CFAP58: variants seen among roughly 807,000 people sequenced by gnomAD.
The protein encoded by CFAP58 is cilia and flagella associated protein 58.
CFAP58 carries 88 observed loss-of-function variants against 119.5 expected under a neutral mutation model. That is an observed-to-expected ratio of 0.74 (90% CI 0.62 to 0.88). The LOEUF is 0.88. Among genes scored for constraint, CFAP58 ranks in the 40% least tolerant of loss-of-function variants. CFAP58 has a pLI of 0.00. For missense variants in CFAP58, 990 were observed against 1,021.2 expected (o/e 0.97, Z 0.42); for synonymous variants, 365 against 366.3 (o/e 1.00, Z 0.04).
At chr10:104,345,952 A>G in the CFAP58 span, among the ~76,000 whole-genome samples, 1 of 152,042 alleles carries the variant, frequency 6.6e-6, no homozygotes, top group Non-Finnish European at 1.5e-5. Context: ...TTGTATTGCT[A>G]TAAAGGAATA....
At chr10:104,363,841 A>T (rs2014704513) in intron 3 of CFAP58, among the ~76,000 whole-genome samples, 1 of 152,240 alleles carries the variant, frequency 6.6e-6, no homozygotes, top group Non-Finnish European at 1.5e-5. Context: ...AAGAGTCTGC[A>T]GTGCAAGTTC....
At chr10:104,433,399 A>G (rs79707082) in intron 15 of CFAP58, among the ~76,000 whole-genome samples, 4,812 of 152,202 alleles carry the variant, frequency 0.032, 191 homozygotes, top group African/African-American at 0.09. Context: ...AATTAGAAAG[A>G]CCTCCCAAGA....
intron 6 of CFAP58, among the ~76,000 whole-genome samples, chr10:104,369,804 G>T (rs1011200125): frequency 4.4e-4 from 67 of 152,318 alleles, no homozygotes; most frequent in African/African-American, 1.6e-3. Flanking sequence ...TATGAGCTGA[G>T]ATAATTGCTA....
chr10:104,439,141 A>G (rs2012992549), intron 15 of CFAP58, among the ~76,000 whole-genome samples: 1 of 152,162 alleles, frequency 6.6e-6, no homozygotes, highest in Admixed American at 6.5e-5. Flanking sequence ...CTTACCTTGG[A>G]TGATGGTTGT....
chr10:104,338,888 A>G, the CFAP58 span, among the ~76,000 whole-genome samples: 1 of 150,484 alleles, frequency 6.6e-6, no homozygotes, highest in Non-Finnish European at 1.5e-5. Context: ...GCTTGAAAGG[A>G]TTAAAATAGC....
chr10:104,408,212 G>T (rs546561580), intron 15 of CFAP58, among the ~76,000 whole-genome samples: 26 of 152,296 alleles, frequency 1.7e-4, no homozygotes, highest in Admixed American at 4.6e-4. Flanking sequence ...TGTGGTTGAG[G>T]GAGTAGACTT....
chr10:104,374,178 G>A, intron 7 of CFAP58, among the ~76,000 whole-genome samples: 1 of 152,058 alleles, frequency 6.6e-6, no homozygotes, highest in East Asian at 1.9e-4. Context: ...CCACAAAAGA[G>A]GTCGGGAGTG....
intron 11 of CFAP58, 25 bp from the exon 12 acceptor site, chr10:104,399,335 G>C: frequency 6.2e-7 from 1 of 1,611,492 alleles, no homozygotes; most frequent in Non-Finnish European, 8.5e-7. Context: ...ATTGAAATTT[G>C]CCTGTATCTT....
At chr10:104,357,934 C>T (rs1307806608) in intron 1 of CFAP58, among the ~76,000 whole-genome samples, 13 of 114,644 alleles carry the variant, frequency 1.1e-4, no homozygotes, top group African/African-American at 5.2e-4. Context: ...CACATATACA[C>T]ACATATATGT....
intron 15 of CFAP58, 25 bp downstream of exon 15, chr10:104,406,818 A>T (rs1325620900): frequency 3.2e-6 from 5 of 1,554,406 alleles, no homozygotes. Flanking sequence ...TTCTGTACTC[A>T]TTGTACAAGT....
intron 15 of CFAP58, among the ~76,000 whole-genome samples, chr10:104,432,467 AATG>A (rs1448976730): frequency 6.6e-6 from 1 of 152,320 alleles, no homozygotes; most frequent in East Asian, 1.9e-4. Flanking sequence ...ACAAGAAAAG[AATG>A]ATGATATTCA....
At chr10:104,452,004 G>A (rs2013203368) in intron 17 of CFAP58, among the ~76,000 whole-genome samples, 1 of 151,914 alleles carries the variant, frequency 6.6e-6, no homozygotes, top group African/African-American at 2.4e-5. Context: ...CTCCCAAAGT[G>A]CTGGGATTAC....
the CFAP58 span, among the ~76,000 whole-genome samples, chr10:104,342,617 G>A: frequency 6.8e-6 from 1 of 147,742 alleles, no homozygotes; most frequent in Admixed American, 6.9e-5. Context: ...CAGATCACAT[G>A]AGTTCAGTTT....
At chr10:104,350,803 G>T (rs1332884298), upstream of CFAP58, among the ~76,000 whole-genome samples, 2 of 152,198 alleles carry the variant, frequency 1.3e-5, no homozygotes, top group Non-Finnish European at 2.9e-5. Context: ...TCACCTTGGT[G>T]CTTCCTGTGG....
intron 9 of CFAP58, among the ~76,000 whole-genome samples, chr10:104,383,675 C>T (rs1464732804): frequency 6.6e-6 from 1 of 152,014 alleles, no homozygotes; most frequent in African/African-American, 2.4e-5. Flanking sequence ...TGCTACGCAA[C>T]TTGTGCATCT....
intron 2 of CFAP58, 31 bp from the exon 3 acceptor site, chr10:104,361,992 C>G: frequency 6.2e-7 from 1 of 1,601,212 alleles, no homozygotes; most frequent in Non-Finnish European, 8.5e-7. Context: ...CCAGTTTGGT[C>G]TTTCTCACTG....
chr10:104,454,417 T>C lies in CFAP58; in HGVS notation c.2511-5T>C, dbSNP rs2013245560. ...GGAAGCTAACTTTCACCTCCTCTCT[T>C]ACAGAAACAAGGACACAGCACCCAT... On this transcript the variant is annotated splice_region_variant and splice_polypyrimidine_tract_variant and intron_variant, in intron 17 of 17. Coordinates refer to ENST00000369704, the MANE Select transcript of CFAP58 (RefSeq NM_001008723.2). 6.2e-7 allele frequency: 1 copy of C among 1,610,314 alleles called. No individual in the cohort carries two copies. The highest frequency in any genetic ancestry group is 8.5e-7 in the Non-Finnish European group (1 of 1,176,776).
At chr10:104,357,950 TATATACACATATATGTACAC>T (rs768322617) in intron 1 of CFAP58, among the ~76,000 whole-genome samples, 4,999 of 123,558 alleles carry the variant, frequency 0.04, 247 homozygotes, top group Non-Finnish European at 0.049. Flanking sequence ...TATGTACACA[TATATACACATATATGTACAC>T]ATATGTACAT....
At chr10:104,362,715 G>A (rs550574751) in intron 3 of CFAP58, among the ~76,000 whole-genome samples, 33 of 152,176 alleles carry the variant, frequency 2.2e-4, no homozygotes, top group Middle Eastern at 3.2e-3. Context: ...TGGCAGTAGC[G>A]TCCTAACTGG....
Sources: gnomAD v4.1 joint callset for allele counts (sites outside exome capture counted in the v4.1 genomes callset) on GRCh38, gnomAD v4.1.1 for gene constraint, MANE v1.5 for transcripts, NCBI Gene and HGNC (gene_info 2026-07-23, HGNC 2026-07-21) for gene names.